Variants in AMOT observed in about 807,000 individuals in gnomAD.
AMOT encodes angiomotin.
AMOT carries 11 observed loss-of-function variants against 67.0 expected under a neutral mutation model. The ratio of observed to expected loss-of-function variants is 0.16; its 90% CI spans 0.10 to 0.27. The LOEUF (loss-of-function observed/expected upper bound fraction) is 0.27. Ranked by LOEUF, AMOT falls within the 10% of genes least tolerant of loss-of-function variation. The pLI is 1.00. For synonymous variants in AMOT, 326 were observed against 321.4 expected, an observed-to-expected ratio of 1.01 and a Z score of -0.15; for missense variants, 753 against 852.0, an observed-to-expected ratio of 0.88 and a Z score of 1.45.
At chrX:112,826,211 A>G (rs1185944819) in intron 2 of AMOT, among the ~76,000 whole-genome samples, 1 of 111,805 alleles carries the variant, frequency 8.9e-6, no homozygotes, top group Non-Finnish European at 1.9e-5. Context: ...TGTATGATTC[A>G]TTCATATCAC....
chrX:112,802,741 T>C (rs902934364), intron 8 of AMOT, among the ~76,000 whole-genome samples: 1 of 112,420 alleles, frequency 8.9e-6, no homozygotes, highest in Non-Finnish European at 1.9e-5. Flanking sequence ...ATTGTAAAGC[T>C]ACATACATAT....
In AMOT at chrX:112,790,602, C is replaced by T. The variant is rs754438267; in HGVS notation, c.2107G>A (p.Ala703Thr). The T allele has an allele frequency of 4.2e-6, 5 of 1,202,742 alleles. No individual in the cohort carries two copies. The East Asian group carries it at 1.5e-4, about 36-fold the overall frequency. The change falls in exon 10 of 14, where the codon GCT becomes ACT. Residue 703 changes from alanine (A) to threonine (T), a missense_variant. This residue lies in a region of AMOT where 269 missense variants were observed against 300.9 expected (regional missense o/e 0.89). Transcript: ENST00000371959. ...HFALDAAATV[A>T]AQRDTTVISH... ...CAGCTACCTACTTACCTCTGAGCAGCCACAGTTGCAGCAGCATCCAGAGCA... is the reference window on the plus strand; with the variant it reads ...CAGCTACCTACTTACCTCTGAGCAGTCACAGTTGCAGCAGCATCCAGAGCA...
At chrX:112,833,509 G>T (rs2147834374) in intron 1 of AMOT, among the ~76,000 whole-genome samples, 1 of 101,212 alleles carries the variant, frequency 9.9e-6, no homozygotes, top group African/African-American at 3.8e-5. Context: ...AATTTTCTTA[G>T]CTTCAAAAAC....
At chrX:112,812,820 T>C (rs1219150305) in intron 5 of AMOT, among the ~76,000 whole-genome samples, 1 of 112,037 alleles carries the variant, frequency 8.9e-6, no homozygotes, top group Non-Finnish European at 1.9e-5. Context: ...ACCAGTCAGA[T>C]TCAACCCGCC....
rs1467732372 is a variant in AMOT at position 112,778,594 on chromosome X, A to T, written c.3228T>A (p.Asp1076Glu). Residue 1076 changes from aspartate to glutamate, a missense_variant, in exon 14 of 14, where the codon GAT becomes GAA. By Grantham distance (45) the Asp-to-Glu change is conservative. Coordinates refer to ENST00000371959, the MANE Select transcript of AMOT (RefSeq NM_001113490.2). ...TPIQILGQEP[D>E]AEMVEYLI ...AGATGAGATATTCCACCATCTCTGC[A>T]TCAGGCTCTTGTCCCAGGATCTGAA... 8 of 1,207,474 alleles carry T rather than the reference A, an allele frequency of 6.6e-6. No homozygotes were observed. The highest frequency in any genetic ancestry group is 7.8e-6 in the Non-Finnish European group (7 of 893,365).
chrX:112,814,118 C>A (rs1295492118), intron 5 of AMOT, among the ~76,000 whole-genome samples: 3 of 110,520 alleles, frequency 2.7e-5, no homozygotes, highest in Non-Finnish European at 5.7e-5. Flanking sequence ...ACTAAAAATA[C>A]AAAATTAGCC....
At chrX:112,784,348 C>T (rs991453596) in intron 10 of AMOT, among the ~76,000 whole-genome samples, 1 of 112,347 alleles carries the variant, frequency 8.9e-6, no homozygotes, top group Admixed American at 9.4e-5. Context: ...CTAAGCATGC[C>T]GCTTCATATG....
At chrX:112,790,523 A>G in intron 10 of AMOT, 69 bp downstream of exon 10, 1 of 1,067,703 alleles carries the variant, frequency 9.4e-7, no homozygotes, top group Non-Finnish European at 1.2e-6. Context: ...AAAATAAAAC[A>G]CTGGAAAAAT....
Position 112,778,985 on chromosome X carries a change from G to C in AMOT, c.3157+12C>G. ...ACTAAACCAAAACCTACCTGCTAAAGGGAATAATTACCTGTTTTGTCTGGA... is the reference window on the plus strand; with the variant it reads ...ACTAAACCAAAACCTACCTGCTAAACGGAATAATTACCTGTTTTGTCTGGA... On this transcript the variant is annotated intron_variant, in intron 13 of 13. Coordinates refer to ENST00000371959, the MANE Select transcript of AMOT (RefSeq NM_001113490.2). 1 of 1,204,523 alleles carries C rather than the reference G, an allele frequency of 8.3e-7. No individual in the cohort carries two copies. Among genetic ancestry groups the C allele is most frequent in the Non-Finnish European group, 1.1e-6 (1 of 889,858 alleles).
In AMOT at chrX:112,836,285, TG is replaced by T. The variant is rs1440927939; in HGVS notation, c.-288-3916del. ...TTGTTGTTGTTGTTGTTAACAAGAA[TG>T]GGGGAGGGATAACAGGAGGTCAAAG... On this transcript the variant is annotated intron_variant, in intron 1 of 13. Transcript: ENST00000371959. Among the ~76,000 whole-genome samples, 4 of 111,369 alleles carry T rather than the reference TG, an allele frequency of 3.6e-5. No individual in the cohort carries two copies. In the East Asian group the frequency reaches 1.1e-3, roughly 31 times the overall value.
chrX:112,822,171 C>T (rs138393566), intron 4 of AMOT, 84 bp downstream of exon 4: 16,575 of 1,045,938 alleles, frequency 0.016, 107 homozygotes, highest in Admixed American at 0.021. Context: ...AAACACCTGC[C>T]CGTTCCTTCC....
intron 5 of AMOT, among the ~76,000 whole-genome samples, chrX:112,814,793 G>A (rs935759530): frequency 1.8e-5 from 2 of 111,849 alleles, no homozygotes; most frequent in African/African-American, 6.5e-5. Context: ...TGAGCTGCAG[G>A]GAGGGACCAA....
intron 10 of AMOT, among the ~76,000 whole-genome samples, chrX:112,786,447 A>C (rs1933365976): frequency 8.9e-6 from 1 of 112,286 alleles, no homozygotes; most frequent in Non-Finnish European, 1.9e-5. Context: ...GAAACTAAAA[A>C]TCTGCATTGC....
At position 112,779,485 on chromosome X, in the gene AMOT, G is replaced by A. The variant is rs1241780772; in HGVS notation, c.2669C>T (p.Ala890Val). ...PISVPAPVAA[A>V]ATAAAITATA... is the part of the protein sequence containing the mutation. ...GGCAGTGATGGCGGCAGCAGTGGCG[G>A]CAGCAGCAACTGGAGCAGGAACAGA... The change falls in exon 13 of 14, where the codon GCC (alanine) becomes GTC (valine). Residue 890 changes from alanine to valine, a missense_variant. Physicochemically the swap from Ala to Val is moderately conservative, Grantham distance 64 (BLOSUM62 0). Coordinates refer to ENST00000371959, the MANE Select transcript of AMOT (RefSeq NM_001113490.2). 4.1e-6 allele frequency: 5 copies of A among 1,206,845 alleles called. No homozygotes were observed. The Admixed American group carries it at 1.1e-4, about 26-fold the overall frequency.
intron 1 of AMOT, among the ~76,000 whole-genome samples, chrX:112,839,138 G>A (rs989650137): frequency 8.9e-6 from 1 of 112,299 alleles, no homozygotes; most frequent in African/African-American, 3.2e-5. Flanking sequence ...TGTTAATAAT[G>A]TGTTCCCAAA....
In AMOT at chrX:112,798,663, C is replaced by T. The variant is rs1025085215; in HGVS notation, c.1776+6284G>A. On this transcript the variant is annotated intron_variant, in intron 8 of 13. Transcript: ENST00000371959. The stretch of plus-strand genomic sequence containing the variant: ...GCTTATCTACAACACTGCAAATATA[C>T]AAACAACAAACACACACCTCATAAA... Among the ~76,000 whole-genome samples, 12 of 112,224 alleles carry T rather than the reference C, an allele frequency of 1.1e-4. No homozygotes were observed. The Admixed American group carries it at 1.1e-3, about 11-fold the overall frequency.
chrX:112,835,518 A>T (rs1454864938), intron 1 of AMOT, among the ~76,000 whole-genome samples: 1 of 110,423 alleles, frequency 9.1e-6, no homozygotes, highest in Non-Finnish European at 1.9e-5. Flanking sequence ...CACACTTTCT[A>T]TTCCAGTTAG....
At chrX:112,799,527 C>CA (rs1225358373) in intron 8 of AMOT, among the ~76,000 whole-genome samples, 1 of 112,088 alleles carries the variant, frequency 8.9e-6, no homozygotes, top group Non-Finnish European at 1.9e-5. Context: ...TATTCTCCTT[C>CA]ATACCACTGG....
In AMOT at chrX:112,809,970, G is replaced by A. The variant is rs1452268418; in HGVS notation, c.1554C>T (p.Ala518=). 1 of 1,208,477 alleles carries A rather than the reference G, an allele frequency of 8.3e-7. No individual in the cohort carries two copies. Among genetic ancestry groups the A allele is most frequent in the African/African-American group, 1.7e-5 (1 of 57,173 alleles). The part of the protein sequence containing the change: ...NRDLRERLET[A]NKQLAEKEYE... ...ATTCCTTCTCTGCAAGCTGCTTGTT[G>A]GCAGTCTCTAGACGCTCTGTGAAAT... The change falls in exon 7 of 14, where the codon GCC becomes GCT. Residue 518 remains alanine (A), a synonymous_variant. Coordinates refer to ENST00000371959, the MANE Select transcript of AMOT (RefSeq NM_001113490.2).
Sources: gnomAD v4.1 joint callset for allele counts (sites outside exome capture counted in the v4.1 genomes callset) on GRCh38, gnomAD v4.1.1 for gene constraint, gnomAD v4.1.1 regional missense constraint, MANE v1.5 for transcripts, NCBI Gene and HGNC (gene_info 2026-07-23, HGNC 2026-07-21) for gene names.